The following CLYBL variants were observed in gnomAD, a reference collection of about 807,000 sequenced individuals.
CLYBL encodes the protein citramalyl-CoA lyase.
Under a neutral mutation model 38.9 loss-of-function variants are expected in CLYBL, and 31 were observed. The observed-to-expected ratio is 0.80, with a 90% CI of 0.60 to 1.08. The LOEUF is 1.08. Ranked by LOEUF, CLYBL falls within the 50% of genes least tolerant of loss-of-function variation. The probability of loss-of-function intolerance (pLI) is 0.00; values close to 1 mark genes in which losing one functional copy is unlikely to be tolerated. For missense variants in CLYBL, 434 were observed against 411.6 expected (o/e 1.05, Z -0.47); for synonymous variants, 171 against 158.6 (o/e 1.08, Z -0.59).
intron 2 of CLYBL, among the ~76,000 whole-genome samples, chr13:99,826,574 C>T (rs1398949313): frequency 6.6e-6 from 1 of 152,182 alleles, no homozygotes. Context: ...TTTCTTTTCA[C>T]TAGGAAAACC....
At chr13:99,861,479 A>G (rs1053964285) in intron 3 of CLYBL, among the ~76,000 whole-genome samples, 2 of 152,220 alleles carry the variant, frequency 1.3e-5, no homozygotes, top group Non-Finnish European at 1.5e-5. Flanking sequence ...CACCAAAACC[A>G]CTAATACTGT....
At position 99,606,764 on chromosome 13, in the gene CLYBL, G is replaced by GC. The variant is rs757267886; in HGVS notation, c.62+8dup. ...CGGCGGCGCTGCTGAGGCTGTGAGT[G>GC]CAGGTCCCCGTTCCCCGCCTTCCCG... On this transcript the variant is annotated splice_region_variant and intron_variant, in intron 1 of 8. Coordinates refer to ENST00000339105, the MANE Select transcript of CLYBL (RefSeq NM_206808.5). 6 of 1,440,638 alleles carry GC rather than the reference G, an allele frequency of 4.2e-6. No individual in the cohort carries two copies. The highest frequency in any genetic ancestry group is 5.5e-6 in the Non-Finnish European group (6 of 1,099,774). 89.2% of individuals were successfully genotyped at this position (1,440,638 alleles called of 1,614,324 possible).
intron 2 of CLYBL, among the ~76,000 whole-genome samples, chr13:99,840,123 T>C (rs1426008084): frequency 6.6e-6 from 1 of 151,780 alleles, no homozygotes; most frequent in Non-Finnish European, 1.5e-5. Context: ...AATGTCTGTC[T>C]CATCTATCTG....
At chr13:99,680,632 T>C (rs1324810051) in intron 1 of CLYBL, among the ~76,000 whole-genome samples, 1 of 152,238 alleles carries the variant, frequency 6.6e-6, no homozygotes, top group Non-Finnish European at 1.5e-5. Context: ...CCTTGAGTTA[T>C]CCAATGTGCT....
At chr13:99,633,495 A>G (rs1292697156) in intron 1 of CLYBL, among the ~76,000 whole-genome samples, 1 of 149,022 alleles carries the variant, frequency 6.7e-6, no homozygotes, top group African/African-American at 2.5e-5. Flanking sequence ...AGATGGCACC[A>G]CTGTACTCCA....
intron 2 of CLYBL, among the ~76,000 whole-genome samples, chr13:99,824,681 C>T (rs1295949511): frequency 6.6e-6 from 1 of 152,140 alleles, no homozygotes; most frequent in Non-Finnish European, 1.5e-5. Context: ...TTATCTCAGT[C>T]TGCACAAGTT....
chr13:99,649,047 C>T (rs2047215313), intron 1 of CLYBL, among the ~76,000 whole-genome samples: 1 of 151,536 alleles, frequency 6.6e-6, no homozygotes, highest in Admixed American at 6.6e-5. Context: ...TGAAAAAAAG[C>T]CCTGGAACGT....
chr13:99,670,332 C>T (rs577568603), intron 1 of CLYBL, among the ~76,000 whole-genome samples: 1 of 152,136 alleles, frequency 6.6e-6, no homozygotes, highest in Non-Finnish European at 1.5e-5. Context: ...ATAGCCACTG[C>T]GGTCCAGCCT....
chr13:99,853,554 C>G (rs546866667), intron 2 of CLYBL, among the ~76,000 whole-genome samples: 6 of 152,060 alleles, frequency 3.9e-5, no homozygotes, highest in East Asian at 1.9e-4. Flanking sequence ...TTTTCTTTTT[C>G]ATGTGGAAAA....
chr13:99,766,465 T>A (rs1043573720), intron 1 of CLYBL, among the ~76,000 whole-genome samples: 5 of 152,194 alleles, frequency 3.3e-5, no homozygotes, highest in Non-Finnish European at 5.9e-5. Context: ...CCTTAGAACT[T>A]CTATTCTGAA....
intron 2 of CLYBL, among the ~76,000 whole-genome samples, chr13:99,782,186 A>G (rs2049671449): frequency 2.0e-5 from 3 of 152,126 alleles, no homozygotes; most frequent in Admixed American, 2.0e-4. Context: ...GGTTGATCAT[A>G]AAGTTTACAT....
intron 1 of CLYBL, among the ~76,000 whole-genome samples, chr13:99,697,524 C>T (rs1331361502): frequency 6.6e-6 from 1 of 152,102 alleles, no homozygotes; most frequent in Non-Finnish European, 1.5e-5. Flanking sequence ...CGTGCCACCA[C>T]ACCCAGCTAA....
intron 1 of CLYBL, among the ~76,000 whole-genome samples, chr13:99,663,950 A>T (rs893436394): frequency 1.3e-5 from 2 of 152,256 alleles, no homozygotes; most frequent in Admixed American, 6.5e-5. Context: ...AAACTTTAAC[A>T]ATCAGTACAA....
chr13:99,754,419 A>G (rs1389225361), intron 1 of CLYBL, among the ~76,000 whole-genome samples: 1 of 138,338 alleles, frequency 7.2e-6, no homozygotes, highest in Non-Finnish European at 1.5e-5. Flanking sequence ...CCTGTCTCAA[A>G]AAAAAAAAAA....
chr13:99,776,489 C>T (rs1466627541), intron 2 of CLYBL, among the ~76,000 whole-genome samples: 1 of 141,630 alleles, frequency 7.1e-6, no homozygotes, highest in African/African-American at 2.6e-5. Flanking sequence ...GAGCAGGACT[C>T]TGTCTCAAAA....
At chr13:99,721,039 C>CTTTTTTTTTT (rs35480092) in intron 1 of CLYBL, among the ~76,000 whole-genome samples, 1 of 141,294 alleles carries the variant, frequency 7.1e-6, no homozygotes. Context: ...TTCCCTAATT[C>CTTTTTTTTTT]TTTTTTTTTT....
downstream of CLYBL, among the ~76,000 whole-genome samples, chr13:99,901,645 G>GTTTTTTTTTTTTTTTTTT (rs57853480): frequency 7.9e-6 from 1 of 127,238 alleles, no homozygotes. Flanking sequence ...GGATTTTTTT[G>GTTTTTTTTTTTTTTTTTT]TTTTTTTTTT....
At chr13:99,607,303 C>CA (rs5806131) in intron 1 of CLYBL, among the ~76,000 whole-genome samples, 63,517 of 151,240 alleles carry the variant, frequency 0.42, 13,783 homozygotes, top group East Asian at 0.76. Flanking sequence ...CATAACTTCT[C>CA]AAAAAAAAAG....
intron 1 of CLYBL, among the ~76,000 whole-genome samples, chr13:99,713,583 G>A (rs552849493): frequency 6.6e-6 from 1 of 151,864 alleles, no homozygotes; most frequent in Admixed American, 6.6e-5. Context: ...CAGGTGATCC[G>A]CCCTCCTTGG....
Sources: gnomAD v4.1 joint callset for allele counts (sites outside exome capture counted in the v4.1 genomes callset) on GRCh38, gnomAD v4.1.1 for gene constraint, MANE v1.5 for transcripts, NCBI Gene and HGNC (gene_info 2026-07-23, HGNC 2026-07-21) for gene names.